The following P2RX1 variants were observed in gnomAD, a reference collection of about 807,000 sequenced individuals.
P2RX1 encodes P2X purinoceptor 1.
P2RX1 carries 42 observed loss-of-function variants against 50.3 expected under a neutral mutation model. The ratio of observed to expected loss-of-function variants is 0.83; its 90% confidence interval spans 0.65 to 1.08. The LOEUF (loss-of-function observed/expected upper bound fraction) is 1.08. Among genes scored for constraint, P2RX1 ranks in the 50% least tolerant of loss-of-function variants. The pLI, the probability that P2RX1 is intolerant of heterozygous loss-of-function variation, is 0.00. For missense variants in P2RX1, 449 were observed against 529.0 expected, an observed-to-expected ratio of 0.85 and a Z score of 1.48; for synonymous variants, 199 against 202.6, an observed-to-expected ratio of 0.98 and a Z score of 0.15.
intron 1 of P2RX1, chr17:3,915,201 G>A: frequency 2.9e-6 from 1 of 339,230 alleles, no homozygotes; most frequent in Non-Finnish European, 5.8e-6. Context: ...GACCTCTGCA[G>A]AGTCACTGTG....
intron 1 of P2RX1, among the ~76,000 whole-genome samples, chr17:3,909,970 CTTT>C (rs751349796): frequency 0.018 from 1,914 of 107,278 alleles, 24 homozygotes; most frequent in African/African-American, 0.059. Flanking sequence ...CTGATAAATT[CTTT>C]TTTTTTTTTT....
rs987289323 is a variant in P2RX1 at position 3,904,352 on chromosome 17, C to T, written c.405G>A (p.Gly135=). The change falls in exon 4 of 12, where the codon GGG becomes GGA. Residue 135 remains glycine (G), a synonymous_variant. Transcript: ENST00000225538. The part of the protein sequence containing the change: ...ICKEDSGCTP[G]KAKRKAQGIR... ...TACCTTGGGCCTTCCTCTTGGCCTTCCCAGGGGTACAGCCACTGTCTTCCT... is the reference window on the plus strand; with the variant it reads ...TACCTTGGGCCTTCCTCTTGGCCTTTCCAGGGGTACAGCCACTGTCTTCCT... 1.2e-6 allele frequency: 2 copies of T among 1,614,058 alleles called. No individual in the cohort carries two copies. Among genetic ancestry groups the T allele is most frequent in the South Asian group, 2.2e-5 (2 of 91,086 alleles).
At chr17:3,912,822 T>C (rs997925637) in intron 1 of P2RX1, among the ~76,000 whole-genome samples, 6 of 152,178 alleles carry the variant, frequency 3.9e-5, no homozygotes, top group African/African-American at 1.4e-4. Context: ...CAATAATTTC[T>C]ATCCATCCTT....
intron 1 of P2RX1, 36 bp downstream of exon 1, chr17:3,916,053 G>GAA: frequency 6.2e-7 from 1 of 1,612,212 alleles, no homozygotes; most frequent in Non-Finnish European, 8.5e-7. Flanking sequence ...CCCGGGGTAG[G>GAA]GGCTGGTGCA....
At chr17:3,911,016 T>C (rs2056353233) in intron 1 of P2RX1, among the ~76,000 whole-genome samples, 1 of 152,208 alleles carries the variant, frequency 6.6e-6, no homozygotes, top group Non-Finnish European at 1.5e-5. Flanking sequence ...AGGGTGTCAC[T>C]CTGTCCTCCA....
intron 1 of P2RX1, among the ~76,000 whole-genome samples, chr17:3,908,695 C>G (rs1369967185): frequency 6.6e-6 from 1 of 152,234 alleles, no homozygotes; most frequent in Non-Finnish European, 1.5e-5. Flanking sequence ...CAGGCATCTT[C>G]AGAAGCCTCT....
At position 3,911,350 on chromosome 17, in the gene P2RX1, C is replaced by T. The variant is rs542170223; in HGVS notation, c.137+4739G>A. 8.5e-4 allele frequency among the ~76,000 whole-genome samples: 130 copies of T among 152,178 alleles called. 1 individual carries two copies. The highest frequency in any genetic ancestry group is 1.6e-3 in the Non-Finnish European group (108 of 68,010). On this transcript the variant is annotated intron_variant, in intron 1 of 11. Transcript: ENST00000225538. ...ACGTCACCAATCTCTAAAAACCAAG[C>T]GGTTTCTTTCATGCATAAATCTCAC...
intron 1 of P2RX1, among the ~76,000 whole-genome samples, chr17:3,911,307 C>CTT (rs1411277254): frequency 1.3e-5 from 2 of 151,944 alleles, no homozygotes; most frequent in Non-Finnish European, 2.9e-5. Context: ...TTCTTTCTTT[C>CTT]TTTCTTTTTT....
chr17:3,912,944 A>C (rs1242825547), intron 1 of P2RX1, among the ~76,000 whole-genome samples: 1 of 152,086 alleles, frequency 6.6e-6, no homozygotes, highest in South Asian at 2.1e-4. Flanking sequence ...GAAGAGACCC[A>C]GAGGGACTGG....
chr17:3,911,295 C>T (rs897695252), intron 1 of P2RX1, among the ~76,000 whole-genome samples: 1 of 151,690 alleles, frequency 6.6e-6, no homozygotes, highest in African/African-American at 2.4e-5. Context: ...GTCTGTTTTT[C>T]TTTCTTTCTT....
rs740794 is a variant in P2RX1, at chr17:3,903,750, T to A, written c.525-119A>T. On this transcript the variant is annotated intron_variant, in intron 5 of 11. Transcript: ENST00000225538. The surrounding 1 kb of genome is among the most constrained non-coding windows in gnomAD (Gnocchi z 4.6). Reference sequence around the variant, plus strand: ...CCGGGACCCGCCTGCAGCCCTGGGCTGGTGGAGGGGTGGGTGTGCTCTAGC... The same window carrying A: ...CCGGGACCCGCCTGCAGCCCTGGGCAGGTGGAGGGGTGGGTGTGCTCTAGC... The A allele has an allele frequency of 1.3e-4, 157 of 1,186,146 alleles. No individual in the cohort carries two copies. In the African/African-American group the frequency reaches 2.0e-3, roughly 15 times the overall value. 73.5% of individuals were successfully genotyped at this position (1,186,146 alleles called of 1,614,324 possible).
At chr17:3,898,457 C>G (rs1323167533) in intron 10 of P2RX1, 27 bp downstream of exon 10, 2 of 1,593,766 alleles carry the variant, frequency 1.3e-6, no homozygotes, top group Non-Finnish European at 1.7e-6. Context: ...AACCCCAGCA[C>G]AGTGAGCCGG....
chr17:3,899,828 C>G, intron 7 of P2RX1, 67 bp from the exon 8 acceptor site: 1 of 1,582,332 alleles, frequency 6.3e-7, no homozygotes. Context: ...CAGCCGGGCG[C>G]AGTGGCTCAC....
chr17:3,915,908 C>T (rs370682305), intron 1 of P2RX1, 181 bp downstream of exon 1: 7 of 791,314 alleles, frequency 8.8e-6, no homozygotes, highest in East Asian at 2.7e-5. Flanking sequence ...CCTCCGGCCT[C>T]GTCCCCATCT....
Position 3,903,770 on chromosome 17 carries a change from T to C in P2RX1, c.525-139A>G. On this transcript the variant is annotated intron_variant, in intron 5 of 11. Transcript: ENST00000225538. This position sits in a 1 kb window ranked among gnomAD's most constrained non-coding sequence, Gnocchi z 4.6. ...TGGGCTGGTGGAGGGGTGGGTGTGC[T>C]CTAGCGTGGCCAGGACCCAGGGGAA... 2.7e-6 allele frequency: 3 copies of C among 1,119,986 alleles called. No homozygotes were observed. Among genetic ancestry groups the C allele is most frequent in the Non-Finnish European group, 4.0e-6 (3 of 746,034 alleles). 69.4% of individuals were successfully genotyped at this position (1,119,986 alleles called of 1,614,324 possible). A position where few individuals can be genotyped will look rare whatever the true frequency, so the allele number is the denominator to read the frequency against.
intron 1 of P2RX1, among the ~76,000 whole-genome samples, chr17:3,908,287 G>A (rs531499826): frequency 3.3e-5 from 5 of 152,314 alleles, no homozygotes; most frequent in South Asian, 2.1e-4. Flanking sequence ...TGGGCTGGGC[G>A]CGGTGGCTCA....
intron 8 of P2RX1, 67 bp from the exon 9 acceptor site, chr17:3,899,091 G>A (rs984621002): frequency 2.0e-5 from 22 of 1,086,976 alleles, no homozygotes; most frequent in Non-Finnish European, 2.9e-5. Flanking sequence ...AGTTCTTAGC[G>A]CATCAGGGAT....
Position 3,903,232 on chromosome 17 carries a change from T to G in P2RX1, c.717A>C (p.Ser239=). 1 of 1,614,168 alleles carries G rather than the reference T, an allele frequency of 6.2e-7. No individual in the cohort carries two copies. The highest frequency in any genetic ancestry group is 8.5e-7 in the Non-Finnish European group (1 of 1,180,032). The stretch of plus-strand genomic sequence containing the variant: ...CAGCCAGGGTGCTGAAGTTCTGGCC[T>G]GACTCTTGCACCACGTAGCCAAGCT... The part of the protein sequence containing the change: ...VFQLGYVVQE[S]GQNFSTLAEK... Residue 239 remains serine, a synonymous_variant, in exon 7 of 12, where the codon TCA becomes TCC. Transcript: ENST00000225538. The surrounding 1 kb of genome is among the most constrained non-coding windows in gnomAD (Gnocchi z 4.6).
At chr17:3,898,592 G>A (rs745515064) in intron 9 of P2RX1, 43 bp from the exon 10 acceptor site, 5 of 1,505,476 alleles carry the variant, frequency 3.3e-6, no homozygotes, top group Admixed American at 1.7e-5. Flanking sequence ...CCGTCGGAAG[G>A]GGCCCAGCTG....
Sources: gnomAD v4.1 joint callset for allele counts (sites outside exome capture counted in the v4.1 genomes callset) on GRCh38, gnomAD v4.1.1 for gene constraint, Gnocchi (gnomAD v3.1) non-coding constraint, MANE v1.5 for transcripts, NCBI Gene and HGNC (gene_info 2026-07-23, HGNC 2026-07-21) for gene names.